The following TMEM178B variants were observed in gnomAD, a reference collection of about 807,000 sequenced individuals.
TMEM178B encodes transmembrane protein 178B.
TMEM178B carries 5 observed loss-of-function variants against 31.0 expected under a neutral mutation model. The observed-to-expected ratio is 0.16, with a 90% confidence interval of 0.08 to 0.34. The LOEUF is 0.34. Ranked by LOEUF, TMEM178B falls within the 10% of genes least tolerant of loss-of-function variation. The probability of loss-of-function intolerance (pLI) is 1.00; values close to 1 mark genes in which losing one functional copy is unlikely to be tolerated. For synonymous variants in TMEM178B, 164 were observed against 164.0 expected (o/e 1.00, Z 0.00); for missense variants, 275 against 400.3 (o/e 0.69, Z 2.67).
intron 1 of TMEM178B, among the ~76,000 whole-genome samples, chr7:141,194,248 A>G (rs910196728): frequency 2.0e-5 from 3 of 152,178 alleles, no homozygotes; most frequent in African/African-American, 4.8e-5. Flanking sequence ...GCAATTACCC[A>G]AAAGTCCACA....
intron 1 of TMEM178B, among the ~76,000 whole-genome samples, chr7:141,202,137 C>T (rs1452068875): frequency 6.6e-6 from 1 of 152,048 alleles, no homozygotes; most frequent in Non-Finnish European, 1.5e-5. Context: ...TGCACAGTAC[C>T]TAATACACAG....
chr7:141,297,575 C>G (rs11980618), intron 2 of TMEM178B, among the ~76,000 whole-genome samples: 59,150 of 151,982 alleles, frequency 0.39, 12,351 homozygotes, highest in Admixed American at 0.48. Flanking sequence ...TCTCATTGTT[C>G]AATTCCCACC....
chr7:141,097,566 A>G (rs982305291), intron 1 of TMEM178B, among the ~76,000 whole-genome samples: 2 of 152,032 alleles, frequency 1.3e-5, no homozygotes, highest in Admixed American at 6.6e-5. Flanking sequence ...CAAAAATTGA[A>G]GAGAATCAGT....
At chr7:141,198,377 G>A (rs1796820029) in intron 1 of TMEM178B, among the ~76,000 whole-genome samples, 1 of 152,204 alleles carries the variant, frequency 6.6e-6, no homozygotes. Context: ...CAGAGCCCAG[G>A]AAAGCCATCT....
intron 2 of TMEM178B, among the ~76,000 whole-genome samples, chr7:141,271,797 C>G (rs1422819236): frequency 2.0e-5 from 3 of 152,232 alleles, no homozygotes; most frequent in Non-Finnish European, 4.4e-5. Context: ...ATCATCTCCT[C>G]TATTCTCCAT....
intron 1 of TMEM178B, among the ~76,000 whole-genome samples, chr7:141,180,687 A>C (rs1166385653): frequency 6.6e-6 from 1 of 152,052 alleles, no homozygotes; most frequent in Non-Finnish European, 1.5e-5. Context: ...GTTTTGACAT[A>C]TTATCTTTTT....
At chr7:141,286,640 C>T (rs1290112533) in intron 2 of TMEM178B, among the ~76,000 whole-genome samples, 2 of 152,172 alleles carry the variant, frequency 1.3e-5, no homozygotes, top group Non-Finnish European at 2.9e-5. Flanking sequence ...TACCACTGGT[C>T]TCCACAGACA....
At chr7:141,271,579 C>G (rs139548972) in intron 2 of TMEM178B, among the ~76,000 whole-genome samples, 1 of 152,168 alleles carries the variant, frequency 6.6e-6, no homozygotes, top group Non-Finnish European at 1.5e-5. Context: ...TGAAAGGCAC[C>G]ATGGAGCTTC....
the TMEM178B span, among the ~76,000 whole-genome samples, chr7:141,505,538 T>C: frequency 6.6e-6 from 1 of 152,164 alleles, no homozygotes; most frequent in African/African-American, 2.4e-5. Context: ...GGTCTTCAGA[T>C]TTGTCTCATC....
chr7:141,296,559 T>C (rs1467466256), intron 2 of TMEM178B, among the ~76,000 whole-genome samples: 1 of 152,222 alleles, frequency 6.6e-6, no homozygotes, highest in African/African-American at 2.4e-5. Context: ...GACAGCCAGC[T>C]CTCTGAGGGA....
At chr7:141,232,174 T>G (rs1183205971) in intron 2 of TMEM178B, among the ~76,000 whole-genome samples, 2 of 152,268 alleles carry the variant, frequency 1.3e-5, no homozygotes, top group African/African-American at 4.8e-5. Flanking sequence ...TATTCCATGG[T>G]GTACATGTAC....
intron 1 of TMEM178B, among the ~76,000 whole-genome samples, chr7:141,151,888 T>G (rs1289789797): frequency 6.6e-6 from 1 of 152,172 alleles, no homozygotes; most frequent in Non-Finnish European, 1.5e-5. Context: ...CACTGTGTCC[T>G]GTGGGCTCCA....
chr7:141,496,442 G>A, the TMEM178B span, among the ~76,000 whole-genome samples: 1 of 151,730 alleles, frequency 6.6e-6, no homozygotes, highest in Non-Finnish European at 1.5e-5. Flanking sequence ...AGGCCGAGGC[G>A]GGCGGATCAC....
chr7:141,356,472 C>T (rs1415408782), intron 2 of TMEM178B, among the ~76,000 whole-genome samples: 1 of 151,762 alleles, frequency 6.6e-6, no homozygotes, highest in East Asian at 1.9e-4. Flanking sequence ...TGATGATTAG[C>T]AGTGTGGAGC....
intron 2 of TMEM178B, among the ~76,000 whole-genome samples, chr7:141,369,869 T>G (rs1297659635): frequency 6.6e-6 from 1 of 152,140 alleles, no homozygotes; most frequent in African/African-American, 2.4e-5. Flanking sequence ...TTCTATTGCT[T>G]GAAAAGGCCC....
In TMEM178B at chr7:141,470,850, A is replaced by C. The variant is rs1221004110; in HGVS notation, c.*64A>C. 1.1e-6 allele frequency: 1 copy of C among 934,524 alleles called. No individual in the cohort carries two copies. Among genetic ancestry groups the C allele is most frequent in the African/African-American group, 1.8e-5 (1 of 57,130 alleles). The allele number at this position is 934,524 out of a possible 1,614,324, so 57.9% of individuals were successfully genotyped here. A position where few individuals can be genotyped will look rare whatever the true frequency, so the allele number is the denominator to read the frequency against. On this transcript the variant is annotated 3_prime_UTR_variant, in exon 4 of 4. Transcript: ENST00000565468. ...TATATATAATATACATATATAAAAC[A>C]AAACAAAACTAAATCAAGACGATGC...
At chr7:141,218,286 T>A (rs965801902) in intron 2 of TMEM178B, among the ~76,000 whole-genome samples, 1 of 151,786 alleles carries the variant, frequency 6.6e-6, no homozygotes, top group Non-Finnish European at 1.5e-5. Flanking sequence ...GGGTACAGCC[T>A]GGCTGGCAGA....
At chr7:141,332,795 GT>G (rs1219237084) in intron 2 of TMEM178B, among the ~76,000 whole-genome samples, 1 of 152,152 alleles carries the variant, frequency 6.6e-6, no homozygotes, top group Non-Finnish European at 1.5e-5. Context: ...TTTCTTTAGT[GT>G]TTCCCCACCT....
At chr7:141,269,852 G>A (rs1586861328) in intron 2 of TMEM178B, among the ~76,000 whole-genome samples, 1 of 152,134 alleles carries the variant, frequency 6.6e-6, no homozygotes, top group East Asian at 1.9e-4. Flanking sequence ...ATCACTCGAG[G>A]CCAGGGGTTC....
Sources: allele counts gnomAD v4.1 joint callset (sites outside exome capture counted in the v4.1 genomes callset), GRCh38; gene constraint gnomAD v4.1.1; transcripts MANE v1.5; gene names NCBI Gene and HGNC (gene_info 2026-07-23, HGNC 2026-07-21).